FYB1: variants seen among roughly 807,000 people sequenced by gnomAD.
The protein encoded by FYB1 is FYN binding protein 1.
In FYB1, 41 loss-of-function variants were observed where a neutral mutation model predicts 94.1. That is an observed-to-expected ratio of 0.44 (90% CI 0.34 to 0.57). The LOEUF (loss-of-function observed/expected upper bound fraction) is 0.57, where lower values mean the gene tolerates loss of function less well. Ranked by LOEUF, FYB1 falls within the 20% of genes least tolerant of loss-of-function variation. The pLI is 0.02. For synonymous variants in FYB1, 367 were observed against 353.2 expected, an observed-to-expected ratio of 1.04 and a Z score of -0.44; for missense variants, 1,050 against 976.8, an observed-to-expected ratio of 1.07 and a Z score of -1.00.
At chr5:39,250,569 G>T (rs749634771) in intron 1 of FYB1, 1 of 152,152 alleles carries the variant, frequency 6.6e-6, no homozygotes, top group Admixed American at 6.5e-5. Flanking sequence ...TAAGTGGAGC[G>T]ATAGTAGGAC....
At chr5:39,132,424 G>C (rs1042893518) in intron 9 of FYB1, among the ~76,000 whole-genome samples, 3 of 152,114 alleles carry the variant, frequency 2.0e-5, no homozygotes, top group African/African-American at 7.2e-5. Context: ...TCTTAGTAAG[G>C]GTGCATAAGA....
chr5:39,112,378 A>T (rs1266337543), intron 16 of FYB1, among the ~76,000 whole-genome samples: 1 of 152,056 alleles, frequency 6.6e-6, no homozygotes, highest in Non-Finnish European at 1.5e-5. Context: ...AATGATGTAT[A>T]TGAACTGAAG....
chr5:39,244,520 T>C (rs771129426), intron 1 of FYB1, among the ~76,000 whole-genome samples: 5 of 152,178 alleles, frequency 3.3e-5, no homozygotes, highest in Non-Finnish European at 5.9e-5. Context: ...AGCTTTTTGA[T>C]GTGCTGCTGG....
chr5:39,169,741 C>A, intron 2 of FYB1: 1 of 478,450 alleles, frequency 2.1e-6, no homozygotes, highest in Non-Finnish European at 4.1e-6. Flanking sequence ...GATTTGCCAT[C>A]TTCATTAGGT....
At chr5:39,148,854 G>C (rs1320155996) in intron 3 of FYB1, among the ~76,000 whole-genome samples, 6 of 151,838 alleles carry the variant, frequency 4.0e-5, no homozygotes, top group Non-Finnish European at 5.9e-5. Context: ...CACTTTTCCT[G>C]TCTCATTACT....
At chr5:39,260,469 T>C (rs1260325505) in intron 1 of FYB1, among the ~76,000 whole-genome samples, 5 of 152,156 alleles carry the variant, frequency 3.3e-5, no homozygotes, top group African/African-American at 1.2e-4. Context: ...AAATTGATAC[T>C]AGGAGTACCA....
chr5:39,226,053 C>CTAGG, intron 1 of FYB1, among the ~76,000 whole-genome samples: 1 of 152,254 alleles, frequency 6.6e-6, no homozygotes, highest in South Asian at 2.1e-4. Flanking sequence ...GCTCTCCTGG[C>CTAGG]TAGGTAACCA....
Position 39,110,492 on chromosome 5 carries a change from T to C in FYB1, c.2402-103A>G. On this transcript the variant is annotated intron_variant, in intron 16 of 18. Coordinates refer to ENST00000512982, the MANE Select transcript of FYB1 (RefSeq NM_001465.6). The stretch of plus-strand genomic sequence containing the variant: ...ACACAAGAGAGTAATCATAGTATAT[T>C]GAATAATTGTATCTATCTCTGGAAA... 4 of 660,976 alleles carry C rather than the reference T, an allele frequency of 6.1e-6. No individual in the cohort carries two copies. The South Asian group carries it at 9.2e-5, about 15-fold the overall frequency. 40.9% of individuals were successfully genotyped at this position (660,976 alleles called of 1,614,324 possible).
At chr5:39,144,697 G>A (rs1198549945) in intron 3 of FYB1, among the ~76,000 whole-genome samples, 1 of 152,116 alleles carries the variant, frequency 6.6e-6, no homozygotes, top group Non-Finnish European at 1.5e-5. Flanking sequence ...AGCTACCTGG[G>A]AGGCTGAGGC....
intron 1 of FYB1, among the ~76,000 whole-genome samples, chr5:39,271,866 T>C (rs572008652): frequency 6.7e-5 from 10 of 149,576 alleles, no homozygotes; most frequent in African/African-American, 2.6e-4. Context: ...AATGAATGAA[T>C]AGAGGAGGAA....
At chr5:39,128,824 A>G (rs1359091193) in intron 10 of FYB1, among the ~76,000 whole-genome samples, 2 of 152,172 alleles carry the variant, frequency 1.3e-5, no homozygotes, top group Non-Finnish European at 2.9e-5. Flanking sequence ...AGGCTTATGA[A>G]GAAATTATTG....
chr5:39,112,803 G>T (rs183633124), intron 16 of FYB1, among the ~76,000 whole-genome samples: 1 of 151,948 alleles, frequency 6.6e-6, no homozygotes, highest in African/African-American at 2.4e-5. Context: ...TCCTATATCT[G>T]TGTGTTCAAG....
At chr5:39,181,780 T>A (rs1048344678) in intron 2 of FYB1, among the ~76,000 whole-genome samples, 1 of 152,194 alleles carries the variant, frequency 6.6e-6, no homozygotes, top group African/African-American at 2.4e-5. Flanking sequence ...AGTGTAAGTA[T>A]CTCCAAACCC....
At chr5:39,226,004 C>T (rs935263466) in intron 1 of FYB1, among the ~76,000 whole-genome samples, 1 of 152,162 alleles carries the variant, frequency 6.6e-6, no homozygotes, top group Non-Finnish European at 1.5e-5. Flanking sequence ...GCAGGCCTCT[C>T]ATGGGTCCCT....
At chr5:39,109,043 A>G (rs149689798) in intron 17 of FYB1, among the ~76,000 whole-genome samples, 2 of 152,250 alleles carry the variant, frequency 1.3e-5, no homozygotes, top group African/African-American at 4.8e-5. Context: ...TATAAACATG[A>G]ACATTGCCTT....
chr5:39,245,101 A>G (rs1201412394), intron 1 of FYB1, among the ~76,000 whole-genome samples: 1 of 145,932 alleles, frequency 6.9e-6, no homozygotes, highest in Non-Finnish European at 1.5e-5. Context: ...GTCAAATGCT[A>G]GAATCCAGAA....
intron 14 of FYB1, among the ~76,000 whole-genome samples, chr5:39,120,648 G>A (rs1740004841): frequency 6.6e-6 from 1 of 152,120 alleles, no homozygotes; most frequent in East Asian, 1.9e-4. Context: ...GTTAAATTAT[G>A]GATGGTAGGG....
chr5:39,130,547 T>C (rs764158362), intron 10 of FYB1, 43 bp downstream of exon 10: 5 of 1,479,880 alleles, frequency 3.4e-6, no homozygotes, highest in African/African-American at 1.4e-5. Flanking sequence ...TGCCAATATA[T>C]GTATCAATTG....
At chr5:39,270,585 A>G in intron 1 of FYB1, 1 of 1,535,208 alleles carries the variant, frequency 6.5e-7, no homozygotes, top group Non-Finnish European at 8.7e-7. Context: ...TATTGAAAAG[A>G]GTTGATATGC....
Sources: gnomAD v4.1 joint callset for allele counts (sites outside exome capture counted in the v4.1 genomes callset) on GRCh38, gnomAD v4.1.1 for gene constraint, MANE v1.5 for transcripts, NCBI Gene and HGNC (gene_info 2026-07-23, HGNC 2026-07-21) for gene names.